Variants in ATXN1 observed in about 807,000 individuals in gnomAD.
ATXN1 encodes ataxin 1, also known as ataxin-1.
A neutral mutation model predicts 56.4 loss-of-function variants in ATXN1; 8 were observed. The ratio of observed to expected loss-of-function variants is 0.14; its 90% CI spans 0.08 to 0.26. The LOEUF is 0.26. Among genes scored for constraint, ATXN1 ranks in the 10% least tolerant of loss-of-function variants. ATXN1 has a pLI of 1.00. For missense variants in ATXN1, 987 were observed against 1,106.5 expected (o/e 0.89, Z 1.53); for synonymous variants, 514 against 494.6 (o/e 1.04, Z -0.52).
intron 3 of ATXN1, among the ~76,000 whole-genome samples, chr6:16,590,508 T>G (rs1357710242): frequency 6.6e-6 from 1 of 152,182 alleles, no homozygotes; most frequent in East Asian, 1.9e-4. Flanking sequence ...CCTACTGAAA[T>G]ATAAAGTACT....
intron 6 of ATXN1, among the ~76,000 whole-genome samples, chr6:16,337,674 T>A (rs1289799682): frequency 1.3e-5 from 2 of 152,254 alleles, no homozygotes; most frequent in Non-Finnish European, 2.9e-5. Flanking sequence ...GCGTAGTGCA[T>A]TCCAGGTTAG....
chr6:16,307,622 C>A (rs111366085), intron 7 of ATXN1, among the ~76,000 whole-genome samples: 9 of 150,240 alleles, frequency 6.0e-5, no homozygotes. Context: ...TGCAGCGAGC[C>A]GAGATCGTGC....
At chr6:16,681,516 T>C (rs1451724220) in intron 2 of ATXN1, among the ~76,000 whole-genome samples, 1 of 152,222 alleles carries the variant, frequency 6.6e-6, no homozygotes, top group Non-Finnish European at 1.5e-5. Flanking sequence ...GCCTCATGCA[T>C]ATGAAAAAGG....
intron 3 of ATXN1, among the ~76,000 whole-genome samples, chr6:16,639,551 T>C (rs1333294949): frequency 6.6e-6 from 1 of 152,164 alleles, no homozygotes; most frequent in African/African-American, 2.4e-5. Context: ...CAACCTCAGG[T>C]GATTCGCCTG....
rs1030560310 is a variant in ATXN1, at chr6:16,761,369, T to A, written c.-801A>T. On this transcript the variant is annotated 5_prime_UTR_variant, in exon 1 of 8. Coordinates refer to ENST00000436367, the MANE Select transcript of ATXN1 (RefSeq NM_001128164.2). ...AGGGAGAGAAACAATGTCTTGCGGCTGCTGTTGCTCTGGCTGCTGCTCCAC... is the reference window on the plus strand; with the variant it reads ...AGGGAGAGAAACAATGTCTTGCGGCAGCTGTTGCTCTGGCTGCTGCTCCAC... The A allele has an allele frequency of 4.4e-6, 2 of 456,392 alleles. No homozygotes were observed. The highest frequency in any genetic ancestry group is 2.0e-5 in the African/African-American group (1 of 49,996). The allele number at this position is 456,392 out of a possible 1,614,324, so 28.3% of individuals were successfully genotyped here.
rs1759589708 is a variant in ATXN1 at position 16,714,186 on chromosome 6, CACACACA to C, written c.-615+39040_-615+39046del. On this transcript the variant is annotated intron_variant, in intron 2 of 7. Transcript: ENST00000436367. Reference sequence around the variant, plus strand: ...AAGAAAAAAAAAACCACACACCACACACACACACACACACACACACACACACACACAC... The same window carrying C: ...AAGAAAAAAAAAACCACACACCACACCACACACACACACACACACACACAC... Among the ~76,000 whole-genome samples the C allele has an allele frequency of 3.9e-5, 3 of 76,356 alleles. No homozygotes were observed. In the South Asian group the frequency reaches 1.1e-3, roughly 29 times the overall value. 50.1% of individuals were successfully genotyped at this position (76,356 alleles called of 152,430 possible). A position where few individuals can be genotyped will look rare whatever the true frequency, so the allele number is the denominator to read the frequency against.
intron 3 of ATXN1, among the ~76,000 whole-genome samples, chr6:16,633,367 TG>T (rs759250793): frequency 1.3e-4 from 20 of 152,222 alleles, no homozygotes; most frequent in Non-Finnish European, 2.6e-4. Context: ...TGCCACCCAA[TG>T]TTTGTTTTAT....
At chr6:16,449,504 T>G (rs1237970018) in intron 6 of ATXN1, among the ~76,000 whole-genome samples, 1 of 152,078 alleles carries the variant, frequency 6.6e-6, no homozygotes, top group African/African-American at 2.4e-5. Flanking sequence ...TTCTTCTTCT[T>G]GTTTTTTAAG....
chr6:16,707,670 G>A (rs1759435283), intron 2 of ATXN1, among the ~76,000 whole-genome samples: 1 of 152,146 alleles, frequency 6.6e-6, no homozygotes, highest in Admixed American at 6.5e-5. Context: ...GAAAGAAGGT[G>A]GTTAAGTCTC....
At chr6:16,488,822 T>A (rs956216667) in intron 5 of ATXN1, among the ~76,000 whole-genome samples, 1 of 152,166 alleles carries the variant, frequency 6.6e-6, no homozygotes, top group Non-Finnish European at 1.5e-5. Flanking sequence ...TTAACAATAT[T>A]CCACATTCAA....
Position 16,299,741 on chromosome 6 carries a change from C to T in ATXN1, c.*6588G>A, listed in dbSNP as rs997506727. 2 of 152,656 alleles carry T rather than the reference C, an allele frequency of 1.3e-5. No homozygotes were observed. The highest frequency in any genetic ancestry group is 4.8e-5 in the African/African-American group (2 of 41,460). The allele number at this position is 152,656 out of a possible 1,614,324, so 9.5% of individuals were successfully genotyped here. On this transcript the variant is annotated 3_prime_UTR_variant, in exon 8 of 8. Transcript: ENST00000436367. The stretch of plus-strand genomic sequence containing the variant: ...AGACTGTCTAATCTGAAGGTCACCA[C>T]AAATACTGACAGGACTATCTTGAAA...
intron 3 of ATXN1, among the ~76,000 whole-genome samples, chr6:16,595,894 G>A (rs1394637978): frequency 6.6e-6 from 1 of 152,176 alleles, no homozygotes; most frequent in Non-Finnish European, 1.5e-5. Flanking sequence ...CACAGTGGTG[G>A]TGCCTTCTCG....
intron 2 of ATXN1, among the ~76,000 whole-genome samples, chr6:16,725,883 C>A (rs868076557): frequency 6.6e-6 from 1 of 152,210 alleles, no homozygotes; most frequent in Non-Finnish European, 1.5e-5. Flanking sequence ...ACACAAGGAA[C>A]AAGTGCATAT....
chr6:16,395,045 C>T (rs998165984), intron 6 of ATXN1, among the ~76,000 whole-genome samples: 7 of 151,836 alleles, frequency 4.6e-5, no homozygotes, highest in Non-Finnish European at 7.4e-5. Context: ...TGAGGCGAGG[C>T]GGATCACCCG....
At chr6:16,486,617 T>C (rs1413842182) in intron 5 of ATXN1, among the ~76,000 whole-genome samples, 1 of 152,114 alleles carries the variant, frequency 6.6e-6, no homozygotes, top group Non-Finnish European at 1.5e-5. Flanking sequence ...AATCATCAAC[T>C]ATCCCGGGAG....
intron 4 of ATXN1, among the ~76,000 whole-genome samples, chr6:16,549,116 T>A (rs1004387137): frequency 6.6e-6 from 1 of 151,766 alleles, no homozygotes; most frequent in African/African-American, 2.4e-5. Flanking sequence ...TTCTTACACA[T>A]CTATGGAAGG....
chr6:16,623,192 A>T (rs1763349493), intron 3 of ATXN1, among the ~76,000 whole-genome samples: 1 of 152,206 alleles, frequency 6.6e-6, no homozygotes, highest in African/African-American at 2.4e-5. Flanking sequence ...GTCTCGTGGT[A>T]TACAGTACAG....
chr6:16,661,475 A>G (rs1236228547), intron 2 of ATXN1, among the ~76,000 whole-genome samples: 2 of 152,204 alleles, frequency 1.3e-5, no homozygotes, highest in Admixed American at 6.5e-5. Context: ...TGTCAGGAAT[A>G]GACCATAAGG....
chr6:16,326,969 G>A lies in ATXN1; in HGVS notation c.1342C>T (p.Leu448=), dbSNP rs767685777. The part of the protein sequence containing the change: ...HSASEPLPVG[L]PATAFYAGTQ... ...CCTGCGTAGAAGGCCGTGGCTGGCA[G>A]TCCCACCGGGAGTGGCTCTGAAGCA... The change falls in exon 7 of 8, where the codon CTG becomes TTG. Residue 448 remains leucine (L), a synonymous_variant. Coordinates refer to ENST00000436367, the MANE Select transcript of ATXN1 (RefSeq NM_001128164.2). This position sits in a 1 kb window ranked among gnomAD's most constrained non-coding sequence, Gnocchi z 6.6. 3.1e-6 allele frequency: 5 copies of A among 1,614,060 alleles called. No homozygotes were observed. The African/African-American group carries it at 5.3e-5, about 17-fold the overall frequency.
Sources: allele counts gnomAD v4.1 joint callset (sites outside exome capture counted in the v4.1 genomes callset), GRCh38; gene constraint gnomAD v4.1.1; non-coding constraint Gnocchi (gnomAD v3.1); transcripts MANE v1.5; gene names NCBI Gene and HGNC (gene_info 2026-07-23, HGNC 2026-07-21).